ATXN7L1: variants seen among roughly 807,000 people sequenced by gnomAD.
ATXN7L1 encodes ataxin-7-like protein 1.
A neutral mutation model predicts 70.8 loss-of-function variants in ATXN7L1; 15 were observed. The ratio of observed to expected loss-of-function variants is 0.21; its 90% CI spans 0.14 to 0.33. The LOEUF (loss-of-function observed/expected upper bound fraction) is 0.33, where lower values mean the gene tolerates loss of function less well. Among genes scored for constraint, ATXN7L1 ranks in the 10% least tolerant of loss-of-function variants. The probability of loss-of-function intolerance (pLI) is 1.00; values close to 1 mark genes in which losing one functional copy is unlikely to be tolerated. For missense variants in ATXN7L1, 975 were observed against 1,097.1 expected (o/e 0.89, Z 1.57); for synonymous variants, 440 against 445.1 (o/e 0.99, Z 0.14).
chr7:105,735,837 T>A (rs1002990666), intron 3 of ATXN7L1, among the ~76,000 whole-genome samples: 1 of 152,186 alleles, frequency 6.6e-6, no homozygotes, highest in African/African-American at 2.4e-5. Context: ...TACAGGAATA[T>A]AATTAATTAA....
At chr7:105,711,222 T>C (rs35621681) in intron 3 of ATXN7L1, among the ~76,000 whole-genome samples, 15 of 152,188 alleles carry the variant, frequency 9.9e-5, no homozygotes, top group African/African-American at 3.4e-4. Flanking sequence ...CCTCCTCCAA[T>C]TCAACATGAG....
At chr7:105,719,579 C>A (rs572360805) in intron 3 of ATXN7L1, among the ~76,000 whole-genome samples, 1 of 152,232 alleles carries the variant, frequency 6.6e-6, no homozygotes, top group Admixed American at 6.5e-5. Flanking sequence ...TTCCTCCTAA[C>A]TGCAGCAGGA....
chr7:105,659,549 T>C (rs1200593612), intron 4 of ATXN7L1, among the ~76,000 whole-genome samples: 1 of 152,090 alleles, frequency 6.6e-6, no homozygotes, highest in African/African-American at 2.4e-5. Context: ...AGGAAGTGAA[T>C]GAGGAAAGGG....
intron 4 of ATXN7L1, among the ~76,000 whole-genome samples, chr7:105,664,118 T>C (rs1802142225): frequency 6.6e-6 from 1 of 152,120 alleles, no homozygotes; most frequent in Admixed American, 6.5e-5. Flanking sequence ...GGTGACCTTC[T>C]ACTTGGCTTT....
At chr7:105,749,062 T>C (rs1798897474) in intron 3 of ATXN7L1, among the ~76,000 whole-genome samples, 1 of 152,174 alleles carries the variant, frequency 6.6e-6, no homozygotes, top group Non-Finnish European at 1.5e-5. Context: ...CACTTTGGAA[T>C]GCCCCACCTT....
At chr7:105,736,180 G>T (rs1797351955) in intron 3 of ATXN7L1, among the ~76,000 whole-genome samples, 1 of 152,188 alleles carries the variant, frequency 6.6e-6, no homozygotes, top group East Asian at 1.9e-4. Context: ...CAGTCACCGA[G>T]TGGCAACAGT....
Position 105,727,746 on chromosome 7 carries a change from G to GTATATATATATA in ATXN7L1, c.355+60846_355+60857dup, listed in dbSNP as rs1232202676. On this transcript the variant is annotated intron_variant, in intron 3 of 11. Coordinates refer to ENST00000419735, the MANE Select transcript of ATXN7L1 (RefSeq NM_020725.2). ...CATAGGGGTGTGTGTGTGTATGTGT[G>GTATATATATATA]TATATATATATATATATATATATAT... Among the ~76,000 whole-genome samples, 198 of 55,216 alleles carry GTATATATATATA rather than the reference G, an allele frequency of 3.6e-3. 1 individual carries two copies. Among genetic ancestry groups the GTATATATATATA allele is most frequent in the African/African-American group, 0.012 (119 of 10,188 alleles). 36.2% of individuals were successfully genotyped at this position (55,216 alleles called of 152,430 possible).
At chr7:105,675,493 T>G (rs1483108316) in intron 3 of ATXN7L1, among the ~76,000 whole-genome samples, 2 of 151,920 alleles carry the variant, frequency 1.3e-5, no homozygotes, top group Admixed American at 6.6e-5. Context: ...GGCGTGGTGG[T>G]GCATGCCTGT....
chr7:105,653,665 C>T (rs1167600458), intron 4 of ATXN7L1, among the ~76,000 whole-genome samples: 5 of 152,172 alleles, frequency 3.3e-5, no homozygotes, highest in South Asian at 2.1e-4. Flanking sequence ...CAGCCACCAA[C>T]GCAAATCTGA....
intron 2 of ATXN7L1, among the ~76,000 whole-genome samples, chr7:105,867,670 G>A (rs907699378): frequency 6.6e-6 from 1 of 152,198 alleles, no homozygotes; most frequent in Admixed American, 6.5e-5. Context: ...CTGAGTAATC[G>A]ACAAGGCTGA....
chr7:105,727,477 C>T (rs1378848684), intron 3 of ATXN7L1, among the ~76,000 whole-genome samples: 9 of 151,288 alleles, frequency 5.9e-5, no homozygotes, highest in Non-Finnish European at 2.9e-5. Context: ...AAGACCAGCC[C>T]GGCCAACATG....
intron 3 of ATXN7L1, among the ~76,000 whole-genome samples, chr7:105,771,148 C>T (rs561126320): frequency 6.6e-5 from 10 of 151,006 alleles, no homozygotes; most frequent in Admixed American, 1.3e-4. Flanking sequence ...TGCAGTGAGC[C>T]GAGATCGCGC....
chr7:105,769,679 C>T (rs1801727953), intron 3 of ATXN7L1, among the ~76,000 whole-genome samples: 1 of 152,150 alleles, frequency 6.6e-6, no homozygotes, highest in Admixed American at 6.5e-5. Context: ...TTTGCTTCCT[C>T]CCAGTCAGCA....
intron 2 of ATXN7L1, among the ~76,000 whole-genome samples, chr7:105,854,685 C>T (rs1585160346): frequency 1.3e-5 from 2 of 152,178 alleles, no homozygotes; most frequent in African/African-American, 4.8e-5. Flanking sequence ...TTGTCAGCTG[C>T]TGCTGCTTAA....
intron 3 of ATXN7L1, among the ~76,000 whole-genome samples, chr7:105,776,386 G>A (rs1302654117): frequency 3.3e-5 from 5 of 151,896 alleles, no homozygotes; most frequent in Admixed American, 2.6e-4. Context: ...CTTACATGTG[G>A]AATTTGGCTT....
At chr7:105,710,644 C>T (rs537750860) in intron 3 of ATXN7L1, among the ~76,000 whole-genome samples, 1 of 151,516 alleles carries the variant, frequency 6.6e-6, no homozygotes, top group South Asian at 2.1e-4. Context: ...ATCTCCTGAC[C>T]TCGTGATCCA....
At chr7:105,734,463 C>G (rs58645875) in intron 3 of ATXN7L1, among the ~76,000 whole-genome samples, 6,211 of 152,252 alleles carry the variant, frequency 0.041, 291 homozygotes, top group East Asian at 0.26. Context: ...GAAATCAGGA[C>G]AGGCAGCCCA....
chr7:105,772,555 T>C (rs868369037), intron 3 of ATXN7L1, among the ~76,000 whole-genome samples: 2 of 152,266 alleles, frequency 1.3e-5, no homozygotes, highest in Middle Eastern at 3.4e-3. Context: ...GGCAAAAGCA[T>C]TAATAGGCAC....
chr7:105,769,786 C>T (rs1220066275), intron 3 of ATXN7L1, among the ~76,000 whole-genome samples: 1 of 152,130 alleles, frequency 6.6e-6, no homozygotes, highest in Non-Finnish European at 1.5e-5. Flanking sequence ...TGGGCATTTT[C>T]TTTTACCTTT....
Sources: allele counts gnomAD v4.1 joint callset (sites outside exome capture counted in the v4.1 genomes callset), GRCh38; gene constraint gnomAD v4.1.1; transcripts MANE v1.5; gene names NCBI Gene and HGNC (gene_info 2026-07-23, HGNC 2026-07-21).